The following SUGCT variants were observed in gnomAD, a reference collection of about 807,000 sequenced individuals.
SUGCT encodes the protein succinyl-CoA:glutarate CoA-transferase.
Under a neutral mutation model 55.0 loss-of-function variants are expected in SUGCT, and 41 were observed. That is an observed-to-expected ratio of 0.74 (90% CI 0.58 to 0.97). The LOEUF (loss-of-function observed/expected upper bound fraction) is 0.97, where lower values mean the gene tolerates loss of function less well. Among genes scored for constraint, SUGCT ranks in the 50% least tolerant of loss-of-function variants. The probability of loss-of-function intolerance (pLI) is 0.00; values close to 1 mark genes in which losing one functional copy is unlikely to be tolerated. For missense variants in SUGCT, 568 were observed against 547.8 expected (o/e 1.04, Z -0.37); for synonymous variants, 187 against 200.4 (o/e 0.93, Z 0.56).
rs28637571 is a variant in SUGCT, at chr7:40,317,125, G to A, written c.816+270G>A. ...TAAGTGCCTTTTGGGCTCGTATGAT[G>A]GTTTTCTTTTTTTTTTTTCCCACCT... On this transcript the variant is annotated intron_variant, in intron 9 of 13. Coordinates refer to ENST00000335693, the MANE Select transcript of SUGCT (RefSeq NM_001193313.2). Among the ~76,000 whole-genome samples the A allele has an allele frequency of 0.56, 84,584 of 150,686 alleles. 25,041 individuals are homozygous for A. The highest frequency in any genetic ancestry group is 0.67 in the Non-Finnish European group (45,340 of 67,552).
the SUGCT span, among the ~76,000 whole-genome samples, chr7:41,010,513 C>T: frequency 2.3e-4 from 35 of 152,132 alleles, no homozygotes; most frequent in African/African-American, 8.0e-4. Context: ...GGCCTTGAAG[C>T]GGAAATTGAG....
intron 12 of SUGCT, among the ~76,000 whole-genome samples, chr7:40,740,195 G>C (rs1787388550): frequency 6.6e-6 from 1 of 151,664 alleles, no homozygotes; most frequent in South Asian, 2.1e-4. Flanking sequence ...TTTTAATTTT[G>C]GTTTGCACAT....
chr7:40,854,874 C>T (rs370353793), intron 13 of SUGCT, among the ~76,000 whole-genome samples: 10 of 151,764 alleles, frequency 6.6e-5, no homozygotes, highest in Admixed American at 1.3e-4. Context: ...AGCTCGAGGC[C>T]GCAGTGAGCT....
intron 12 of SUGCT, among the ~76,000 whole-genome samples, chr7:40,580,850 AG>A (rs1178080377): frequency 6.6e-6 from 1 of 152,238 alleles, no homozygotes; most frequent in African/African-American, 2.4e-5. Flanking sequence ...ATAGGTTTGT[AG>A]CCTAAGAACA....
At chr7:40,894,764 C>T in the SUGCT span, among the ~76,000 whole-genome samples, 3 of 152,216 alleles carry the variant, frequency 2.0e-5, no homozygotes, top group South Asian at 6.2e-4. Context: ...ATTGAGATAC[C>T]ATCTCACACC....
At chr7:41,030,019 CT>C in the SUGCT span, among the ~76,000 whole-genome samples, 1 of 152,216 alleles carries the variant, frequency 6.6e-6, no homozygotes, top group African/African-American at 2.4e-5. Flanking sequence ...AGAATGCAGC[CT>C]GTTCAGAATA....
intron 6 of SUGCT, among the ~76,000 whole-genome samples, chr7:40,219,438 CAT>C (rs987479366): frequency 1.3e-5 from 2 of 152,340 alleles, no homozygotes; most frequent in Non-Finnish European, 2.9e-5. Flanking sequence ...GAAATACACA[CAT>C]GTACTACTTT....
chr7:40,885,973 C>T, the SUGCT span, among the ~76,000 whole-genome samples: 457 of 152,238 alleles, frequency 3.0e-3, 5 homozygotes, highest in Middle Eastern at 0.024. Context: ...ACCTTTCCCC[C>T]GACTTTTAAG....
chr7:40,624,378 A>AT (rs1242310209), intron 12 of SUGCT, among the ~76,000 whole-genome samples: 1 of 152,200 alleles, frequency 6.6e-6, no homozygotes, highest in Non-Finnish European at 1.5e-5. Flanking sequence ...GTTAACACTT[A>AT]TTTTTAACTC....
intron 11 of SUGCT, among the ~76,000 whole-genome samples, chr7:40,462,853 G>C (rs571124708): frequency 6.6e-6 from 1 of 151,938 alleles, no homozygotes; most frequent in South Asian, 2.1e-4. Flanking sequence ...CATTTGTTTC[G>C]GTGAGCCTAA....
At chr7:40,270,962 A>G (rs1791962030) in intron 7 of SUGCT, among the ~76,000 whole-genome samples, 1 of 152,036 alleles carries the variant, frequency 6.6e-6, no homozygotes, top group Non-Finnish European at 1.5e-5. Flanking sequence ...CCTATTATAA[A>G]TTGAATTACT....
At chr7:40,228,484 G>C (rs116421844) in intron 6 of SUGCT, among the ~76,000 whole-genome samples, 2,460 of 151,694 alleles carry the variant, frequency 0.016, 55 homozygotes, top group African/African-American at 0.057. Context: ...TCTATAACTT[G>C]TTCAGGTTTG....
At chr7:40,229,728 C>A (rs1788607189) in intron 6 of SUGCT, among the ~76,000 whole-genome samples, 1 of 150,160 alleles carries the variant, frequency 6.7e-6, no homozygotes, top group Non-Finnish European at 1.5e-5. Context: ...GCAGGAGAAT[C>A]ACTTGAACCT....
At chr7:40,159,781 G>T (rs1784060903) in intron 1 of SUGCT, among the ~76,000 whole-genome samples, 1 of 152,152 alleles carries the variant, frequency 6.6e-6, no homozygotes, top group Non-Finnish European at 1.5e-5. Context: ...TACATTTTGG[G>T]TGTGGCTTCT....
chr7:40,598,413 T>C (rs1469975793), intron 12 of SUGCT, among the ~76,000 whole-genome samples: 11 of 152,218 alleles, frequency 7.2e-5, no homozygotes, highest in Middle Eastern at 3.2e-3. Context: ...AATTAATTCA[T>C]GTATATCAGC....
chr7:40,937,604 T>G, the SUGCT span, among the ~76,000 whole-genome samples: 2 of 152,238 alleles, frequency 1.3e-5, no homozygotes, highest in African/African-American at 2.4e-5. Context: ...TTATAATTGT[T>G]ATATATTCTT....
chr7:40,255,009 C>G (rs889117762), intron 7 of SUGCT, among the ~76,000 whole-genome samples: 10 of 150,612 alleles, frequency 6.6e-5, no homozygotes, highest in African/African-American at 2.4e-4. Context: ...GGAGCATCAT[C>G]TGAGGTCGGG....
chr7:40,574,082 C>T (rs1286107142), intron 12 of SUGCT, among the ~76,000 whole-genome samples: 1 of 152,098 alleles, frequency 6.6e-6, no homozygotes, highest in Non-Finnish European at 1.5e-5. Flanking sequence ...CCCACTACAT[C>T]TGTGTGACGA....
At chr7:40,898,496 G>GGGGGGGGGGGGT in the SUGCT span, among the ~76,000 whole-genome samples, 1 of 101,872 alleles carries the variant, frequency 9.8e-6, no homozygotes, top group Non-Finnish European at 2.3e-5. Context: ...GGGGGGGGGG[G>GGGGGGGGGGGGT]GTGGATCACG....
Sources: gnomAD v4.1 joint callset for allele counts (sites outside exome capture counted in the v4.1 genomes callset) on GRCh38, gnomAD v4.1.1 for gene constraint, MANE v1.5 for transcripts, NCBI Gene and HGNC (gene_info 2026-07-23, HGNC 2026-07-21) for gene names.